PUS10: variants seen among roughly 807,000 people sequenced by gnomAD.
PUS10 encodes the protein pseudouridine synthase 10.
A neutral mutation model predicts 75.0 loss-of-function variants in PUS10; 59 were observed. The ratio of observed to expected loss-of-function variants is 0.79; its 90% CI spans 0.64 to 0.98. The LOEUF (loss-of-function observed/expected upper bound fraction) is 0.98, where lower values mean the gene tolerates loss of function less well. Ranked by LOEUF, PUS10 falls within the 50% of genes least tolerant of loss-of-function variation. The pLI is 0.00. For missense variants in PUS10, 650 were observed against 614.4 expected (o/e 1.06, Z -0.61); for synonymous variants, 219 against 211.6 (o/e 1.03, Z -0.30).
intron 4 of PUS10, among the ~76,000 whole-genome samples, chr2:60,990,010 A>C (rs1677978610): frequency 1.3e-5 from 2 of 152,138 alleles, no homozygotes; most frequent in South Asian, 4.1e-4. Flanking sequence ...ACCAAAATAA[A>C]CTGAAAAAAG....
At chr2:60,959,721 T>C (rs898248910) in intron 11 of PUS10, among the ~76,000 whole-genome samples, 7 of 152,268 alleles carry the variant, frequency 4.6e-5, no homozygotes, top group Non-Finnish European at 7.4e-5. Context: ...CAGGCAGATA[T>C]TCTCGAGTGC....
At chr2:61,013,002 G>C (rs1282666590) in intron 1 of PUS10, among the ~76,000 whole-genome samples, 2 of 150,430 alleles carry the variant, frequency 1.3e-5, no homozygotes, top group African/African-American at 4.9e-5. Context: ...TCACCACTTT[G>C]TGGTTGTGGG....
chr2:61,004,662 C>T (rs1382525263), intron 4 of PUS10, among the ~76,000 whole-genome samples: 3 of 135,586 alleles, frequency 2.2e-5, no homozygotes, highest in African/African-American at 2.8e-5. Flanking sequence ...GAGAAAGTAA[C>T]ATAAAAACAG....
At chr2:61,000,523 G>C (rs1039017159) in intron 4 of PUS10, among the ~76,000 whole-genome samples, 1 of 152,198 alleles carries the variant, frequency 6.6e-6, no homozygotes, top group Admixed American at 6.5e-5. Context: ...GAGGCTGTAA[G>C]TAGTAAATCT....
Sources: gnomAD v4.1 joint callset for allele counts (sites outside exome capture counted in the v4.1 genomes callset) on GRCh38, gnomAD v4.1.1 for gene constraint, MANE v1.5 for transcripts, NCBI Gene and HGNC (gene_info 2026-07-23, HGNC 2026-07-21) for gene names.